Variants in CACNA2D3 observed in about 807,000 individuals in gnomAD.
CACNA2D3 encodes voltage-dependent calcium channel subunit alpha-2/delta-3.
CACNA2D3 carries 60 observed loss-of-function variants against 160.6 expected under a neutral mutation model. The ratio of observed to expected loss-of-function variants is 0.37; its 90% CI spans 0.30 to 0.46. The LOEUF (loss-of-function observed/expected upper bound fraction) is 0.46. Ranked by LOEUF, CACNA2D3 falls within the 20% of genes least tolerant of loss-of-function variation. The probability of loss-of-function intolerance (pLI) is 1.00; values close to 1 mark genes in which losing one functional copy is unlikely to be tolerated. For missense variants in CACNA2D3, 1,205 were observed against 1,365.0 expected (o/e 0.88, Z 1.85); for synonymous variants, 558 against 492.9 (o/e 1.13, Z -1.75).
intron 31 of CACNA2D3, among the ~76,000 whole-genome samples, chr3:54,995,939 A>G (rs931931490): frequency 2.0e-5 from 3 of 152,158 alleles, no homozygotes; most frequent in African/African-American, 4.8e-5. Context: ...AGCATGCCCA[A>G]TGCGGTCCTG....
At chr3:54,533,818 TGTGTG>T (rs1261643742) in intron 5 of CACNA2D3, among the ~76,000 whole-genome samples, 1 of 151,672 alleles carries the variant, frequency 6.6e-6, no homozygotes. Flanking sequence ...TGTGTGTGTG[TGTGTG>T]TGTGTTAATA....
intron 4 of CACNA2D3, among the ~76,000 whole-genome samples, chr3:54,473,574 A>C (rs1274017892): frequency 3.9e-5 from 6 of 152,250 alleles, no homozygotes; most frequent in Non-Finnish European, 7.3e-5. Context: ...AGCAAAAGAA[A>C]CTACCATCAG....
chr3:54,621,033 C>T (rs1040566640), intron 9 of CACNA2D3, among the ~76,000 whole-genome samples: 1 of 152,080 alleles, frequency 6.6e-6, no homozygotes, highest in South Asian at 2.1e-4. Flanking sequence ...CTAATGGGTA[C>T]GAAATTCATG....
At chr3:54,542,644 A>G (rs1376331004) in intron 5 of CACNA2D3, among the ~76,000 whole-genome samples, 1 of 152,164 alleles carries the variant, frequency 6.6e-6, no homozygotes, top group African/African-American at 2.4e-5. Flanking sequence ...GAAGGCCGGC[A>G]GACTCAGCAA....
At chr3:54,692,415 C>T (rs950015663) in intron 11 of CACNA2D3, among the ~76,000 whole-genome samples, 10 of 152,228 alleles carry the variant, frequency 6.6e-5, no homozygotes, top group African/African-American at 2.4e-4. Context: ...CTTAGTCCAC[C>T]ACATTTCTGG....
chr3:54,874,874 A>G (rs1395222474), intron 18 of CACNA2D3: 1 of 152,252 alleles, frequency 6.6e-6, no homozygotes, highest in Non-Finnish European at 1.5e-5. Flanking sequence ...CGGGGGGTGC[A>G]GAAAAGATAG....
chr3:54,729,998 CAA>C (rs56364535), intron 11 of CACNA2D3, among the ~76,000 whole-genome samples: 2,594 of 109,352 alleles, frequency 0.024, 59 homozygotes, highest in Admixed American at 0.099. Flanking sequence ...GACTCCATCT[CAA>C]AAAAAAAAAA....
chr3:54,790,830 T>A (rs1702739782), intron 13 of CACNA2D3, among the ~76,000 whole-genome samples: 1 of 152,120 alleles, frequency 6.6e-6, no homozygotes, highest in South Asian at 2.1e-4. Context: ...GGCTTTTCTT[T>A]CTTGGCCATG....
intron 2 of CACNA2D3, among the ~76,000 whole-genome samples, chr3:54,145,107 C>A (rs774809036): frequency 5.9e-5 from 9 of 152,118 alleles, no homozygotes; most frequent in African/African-American, 9.7e-5. Flanking sequence ...AAAAGATAGA[C>A]CAAGATCTAA....
At chr3:54,184,670 C>T (rs139867003) in intron 2 of CACNA2D3, among the ~76,000 whole-genome samples, 3 of 152,296 alleles carry the variant, frequency 2.0e-5, no homozygotes, top group East Asian at 3.9e-4. Flanking sequence ...TTATCATACT[C>T]GATGGCATTG....
chr3:54,290,407 C>G (rs145993849), intron 2 of CACNA2D3, among the ~76,000 whole-genome samples: 10,043 of 152,244 alleles, frequency 0.066, 484 homozygotes, highest in Non-Finnish European at 0.1. Flanking sequence ...AGTCAGGAAA[C>G]AACAGGTGCT....
chr3:54,214,642 C>T (rs1248434075), intron 2 of CACNA2D3, among the ~76,000 whole-genome samples: 1 of 152,122 alleles, frequency 6.6e-6, no homozygotes, highest in Admixed American at 6.5e-5. Flanking sequence ...TTAAACAGCT[C>T]AGTTAGGTGC....
chr3:55,000,198 C>T (rs908612655), intron 31 of CACNA2D3, among the ~76,000 whole-genome samples: 40 of 152,146 alleles, frequency 2.6e-4, no homozygotes, highest in African/African-American at 8.7e-4. Context: ...TGTTCTTTAA[C>T]TGTAATCAGC....
chr3:54,429,816 T>A (rs1479258106), intron 4 of CACNA2D3, among the ~76,000 whole-genome samples: 1 of 152,194 alleles, frequency 6.6e-6, no homozygotes, highest in African/African-American at 2.4e-5. Context: ...TCATTTTATT[T>A]TTGAGGTAAT....
intron 3 of CACNA2D3, among the ~76,000 whole-genome samples, chr3:54,329,720 A>G (rs1306233663): frequency 2.6e-5 from 4 of 152,250 alleles, no homozygotes; most frequent in Non-Finnish European, 5.9e-5. Flanking sequence ...GTTACCATCA[A>G]GAGATCCAAA....
At chr3:54,650,588 C>A (rs1192690238) in intron 11 of CACNA2D3, among the ~76,000 whole-genome samples, 1 of 152,192 alleles carries the variant, frequency 6.6e-6, no homozygotes, top group Non-Finnish European at 1.5e-5. Context: ...TGGTCTTGAA[C>A]TTCTGACGTC....
rs1054415108 is a variant in CACNA2D3, at chr3:54,667,146, C to CAG, written c.1167+24905_1167+24906insAG. Among the ~76,000 whole-genome samples the CAG allele has an allele frequency of 2.6e-4, 39 of 152,174 alleles. 1 individual carries two copies. Among genetic ancestry groups the CAG allele is most frequent in the Non-Finnish European group, 4.4e-5 (3 of 68,028 alleles). On this transcript the variant is annotated intron_variant, in intron 11 of 37. Coordinates refer to ENST00000474759, the MANE Select transcript of CACNA2D3 (RefSeq NM_018398.3). ...CTATATTCTGGCTGGCACAGTATAA[C>CAG]TGGTACATGAACACTGTTTTAAAAC... is the stretch of plus-strand genomic sequence containing the variant.
intron 4 of CACNA2D3, among the ~76,000 whole-genome samples, chr3:54,499,909 A>G (rs1433175697): frequency 7.9e-5 from 12 of 152,122 alleles, no homozygotes; most frequent in Admixed American, 1.3e-4. Context: ...ATTAGATCCA[A>G]TTGATGGTAT....
At chr3:54,929,535 G>T (rs1289237593) in intron 27 of CACNA2D3, among the ~76,000 whole-genome samples, 2 of 152,046 alleles carry the variant, frequency 1.3e-5, no homozygotes, top group Non-Finnish European at 2.9e-5. Flanking sequence ...TCATCCTTTG[G>T]CCAAGCCCCT....
Sources: allele counts gnomAD v4.1 joint callset (sites outside exome capture counted in the v4.1 genomes callset), GRCh38; gene constraint gnomAD v4.1.1; transcripts MANE v1.5; gene names NCBI Gene and HGNC (gene_info 2026-07-23, HGNC 2026-07-21).